Variants in ANKS1A observed in about 807,000 individuals in gnomAD.
ANKS1A encodes ankyrin repeat and SAM domain-containing protein 1A.
A neutral mutation model predicts 120.3 loss-of-function variants in ANKS1A; 55 were observed. The ratio of observed to expected loss-of-function variants is 0.46; its 90% CI spans 0.37 to 0.57. ANKS1A has a LOEUF of 0.57. ANKS1A is among the 20% of genes least tolerant of loss of function. The pLI is 0.00. For missense variants in ANKS1A, 1,123 were observed against 1,480.3 expected (o/e 0.76, Z 3.96); for synonymous variants, 590 against 604.7 (o/e 0.98, Z 0.36).
intron 7 of ANKS1A, 94 bp from the exon 8 acceptor site, chr6:34,984,988 C>T (rs932134976): frequency 8.6e-6 from 10 of 1,165,614 alleles, no homozygotes; most frequent in African/African-American, 3.1e-5. Context: ...TTTGTGAGCG[C>T]GGGTGACTAA....
chr6:35,037,244 T>G (rs1227916335), intron 11 of ANKS1A, among the ~76,000 whole-genome samples: 1 of 152,234 alleles, frequency 6.6e-6, no homozygotes, highest in Non-Finnish European at 1.5e-5. Context: ...AGCTTTTTAG[T>G]ATCTGCTAGC....
rs188865237 is a variant in ANKS1A at position 35,070,845 on chromosome 6, T to C, written c.2185-7713T>C. On this transcript the variant is annotated intron_variant, in intron 13 of 23. Coordinates refer to ENST00000360359, the MANE Select transcript of ANKS1A (RefSeq NM_015245.3). Reference sequence around the variant, plus strand: ...TTTTCTTTGTGTGTGTGTGTGTGTGTGCGCGCCAAAGATTTATTTCTTCAT... The same window carrying C: ...TTTTCTTTGTGTGTGTGTGTGTGTGCGCGCGCCAAAGATTTATTTCTTCAT... 1,079 of 552,362 alleles carry C rather than the reference T, an allele frequency of 2.0e-3. 2 individuals are homozygous for C. Among genetic ancestry groups the C allele is most frequent in the Non-Finnish European group, 2.9e-3 (840 of 291,668 alleles). The allele number at this position is 552,362 out of a possible 1,614,324, so 34.2% of individuals were successfully genotyped here.
intron 10 of ANKS1A, among the ~76,000 whole-genome samples, chr6:35,014,575 A>G (rs1254467824): frequency 6.6e-6 from 1 of 152,218 alleles, no homozygotes; most frequent in East Asian, 1.9e-4. Flanking sequence ...TGGCTCCCAC[A>G]GCAGCAGTTA....
intron 1 of ANKS1A, among the ~76,000 whole-genome samples, chr6:34,924,278 T>A (rs1768596062): frequency 6.6e-6 from 1 of 152,126 alleles, no homozygotes; most frequent in African/African-American, 2.4e-5. Context: ...TATGATGCAT[T>A]TATAGGTTCC....
intron 3 of ANKS1A, 100 bp downstream of exon 3, chr6:34,970,266 G>A: frequency 7.5e-7 from 1 of 1,334,840 alleles, no homozygotes; most frequent in Non-Finnish European, 1.0e-6. Flanking sequence ...CAGAGAACCA[G>A]CTCTTCCTTT....
rs770118656 is a variant in ANKS1A, at chr6:35,084,150, C to T, written c.3024C>T (p.Asn1008=). 6.2e-7 allele frequency: 1 copy of T among 1,614,210 alleles called. No homozygotes were observed. Among genetic ancestry groups the T allele is most frequent in the South Asian group, 1.1e-5 (1 of 91,086 alleles). The change falls in exon 21 of 24, where the codon AAC becomes AAT. Residue 1008 remains asparagine (N), a synonymous_variant. Transcript: ENST00000360359. The surrounding 1 kb of genome is among the most constrained non-coding windows in gnomAD (Gnocchi z 4.8). ...KNVIAEHEIR[N]ISCAAQDPED... is the part of the protein sequence containing the mutation. ...TCATTGCAGAGCACGAGATCCGGAACATTTCCTGTGCGGCCCAGGACCCGG... is the reference window on the plus strand; with the variant it reads ...TCATTGCAGAGCACGAGATCCGGAATATTTCCTGTGCGGCCCAGGACCCGG...
intron 1 of ANKS1A, among the ~76,000 whole-genome samples, chr6:34,912,780 G>GA (rs1367593038): frequency 4.6e-5 from 7 of 152,214 alleles, no homozygotes; most frequent in Non-Finnish European, 8.8e-5. Flanking sequence ...TGGATGGATT[G>GA]AAAAGCGAAA....
downstream of ANKS1A, among the ~76,000 whole-genome samples, chr6:35,092,938 C>T (rs1561976531): frequency 2.0e-5 from 3 of 152,124 alleles, no homozygotes. Flanking sequence ...AACTTTCAAG[C>T]TGGAGCACTT....
chr6:34,930,560 A>G (rs1396530025), intron 1 of ANKS1A, among the ~76,000 whole-genome samples: 5 of 152,152 alleles, frequency 3.3e-5, no homozygotes, highest in Non-Finnish European at 7.3e-5. Context: ...ATAGAGTTAC[A>G]TTAGGGTTGA....
chr6:35,062,388 T>A (rs1306203360), intron 13 of ANKS1A, among the ~76,000 whole-genome samples: 4 of 152,208 alleles, frequency 2.6e-5, no homozygotes, highest in Non-Finnish European at 5.9e-5. Context: ...GAAGGCAACT[T>A]GGGAAGGGGA....
chr6:35,084,079 T>A lies in ANKS1A; in HGVS notation c.2995-42T>A. The A allele has an allele frequency of 6.2e-7, 1 of 1,610,460 alleles. No homozygotes were observed. Among genetic ancestry groups the A allele is most frequent in the South Asian group, 1.1e-5 (1 of 90,570 alleles). The stretch of plus-strand genomic sequence containing the variant: ...GCTGGGGCAGGGGGTGCCAGAGGCA[T>A]GCCTGAGCCTGAGAATTCCAGAACA... On this transcript the variant is annotated intron_variant, in intron 20 of 23. Transcript: ENST00000360359. The surrounding 1 kb of genome is among the most constrained non-coding windows in gnomAD (Gnocchi z 4.8).
At chr6:34,896,319 C>G (rs1767081475) in intron 1 of ANKS1A, among the ~76,000 whole-genome samples, 3 of 152,108 alleles carry the variant, frequency 2.0e-5, no homozygotes, top group Admixed American at 2.0e-4. Context: ...ATCTGCCTGC[C>G]TCGGCCTCCC....
intron 20 of ANKS1A, 148 bp from the exon 21 acceptor site, chr6:35,083,970 CCCA>C: frequency 7.8e-7 from 1 of 1,276,784 alleles, no homozygotes; most frequent in Non-Finnish European, 1.1e-6. Flanking sequence ...GACCCCCACC[CCCA>C]CCAATAAACA....
At chr6:35,001,167 CAT>C (rs1288529047) in intron 10 of ANKS1A, among the ~76,000 whole-genome samples, 2 of 152,146 alleles carry the variant, frequency 1.3e-5, no homozygotes, top group South Asian at 2.1e-4. Context: ...GTATAAAAAT[CAT>C]ATAAGAAGCA....
rs1461361504 is a variant in ANKS1A, at chr6:35,086,290, T to C, written c.3303+354T>C. The C allele has an allele frequency of 9.1e-6, 12 of 1,317,814 alleles. No homozygotes were observed. Among genetic ancestry groups the C allele is most frequent in the African/African-American group, 1.5e-5 (1 of 66,954 alleles). The allele number at this position is 1,317,814 out of a possible 1,614,324, so 81.6% of individuals were successfully genotyped here. A position where few individuals can be genotyped will look rare whatever the true frequency, so the allele number is the denominator to read the frequency against. On this transcript the variant is annotated intron_variant, in intron 22 of 23. Coordinates refer to ENST00000360359, the MANE Select transcript of ANKS1A (RefSeq NM_015245.3). The surrounding 1 kb of genome is among the most constrained non-coding windows in gnomAD (Gnocchi z 5.1). ...CCCAGGTGCCGCTGCCCCCCGATAG[T>C]CGCTGTTGTTACTGTCACACCTGCA...
rs538689255 is a variant in ANKS1A, at chr6:35,079,461, G to A, written c.2284-55G>A. The stretch of plus-strand genomic sequence containing the variant: ...AGCTGGCTGGGTCCATGGTCCTCGG[G>A]TCCCTCTCCTGTGAGTGCTGAGATG... On this transcript the variant is annotated intron_variant, in intron 14 of 23. Coordinates refer to ENST00000360359, the MANE Select transcript of ANKS1A (RefSeq NM_015245.3). The A allele has an allele frequency of 1.2e-5, 20 of 1,603,042 alleles. No individual in the cohort carries two copies. In the African/African-American group the frequency reaches 2.7e-4, roughly 21 times the overall value.
chr6:34,900,481 G>C, intron 1 of ANKS1A, among the ~76,000 whole-genome samples: 1 of 151,868 alleles, frequency 6.6e-6, no homozygotes, highest in Non-Finnish European at 1.5e-5. Flanking sequence ...AATAGAGATG[G>C]GGTCTCACTA....
At position 35,084,895 on chromosome 6, in the gene ANKS1A, T is replaced by C. The variant is rs1010358376; in HGVS notation, c.3132+637T>C. 6.6e-6 allele frequency among the ~76,000 whole-genome samples: 1 copy of C among 151,758 alleles called. No individual in the cohort carries two copies. The highest frequency in any genetic ancestry group is 1.5e-5 in the Non-Finnish European group (1 of 67,890). On this transcript the variant is annotated intron_variant, in intron 21 of 23. Coordinates refer to ENST00000360359, the MANE Select transcript of ANKS1A (RefSeq NM_015245.3). The surrounding 1 kb of genome is among the most constrained non-coding windows in gnomAD (Gnocchi z 4.8). ...AGAACTGACAGCCCACAGGCGGGGG[T>C]TCCCTCTAACCTGCAACAAAGCATG... is the stretch of plus-strand genomic sequence containing the variant.
At chr6:35,001,444 T>A (rs1773160656) in intron 10 of ANKS1A, among the ~76,000 whole-genome samples, 1 of 152,186 alleles carries the variant, frequency 6.6e-6, no homozygotes, top group South Asian at 2.1e-4. Context: ...AAGGTGGTCC[T>A]CCAGTCAGCT....
Sources: gnomAD v4.1 joint callset for allele counts (sites outside exome capture counted in the v4.1 genomes callset) on GRCh38, gnomAD v4.1.1 for gene constraint, Gnocchi (gnomAD v3.1) non-coding constraint, MANE v1.5 for transcripts, NCBI Gene and HGNC (gene_info 2026-07-23, HGNC 2026-07-21) for gene names.